Variants in ATP9A observed in about 807,000 individuals in gnomAD.
ATP9A encodes ATPase phospholipid transporting 9A, also known as probable phospholipid-transporting ATPase IIA.
Under a neutral mutation model 144.1 loss-of-function variants are expected in ATP9A, and 52 were observed. The ratio of observed to expected loss-of-function variants is 0.36; its 90% CI spans 0.29 to 0.45. The LOEUF (loss-of-function observed/expected upper bound fraction) is 0.45, where lower values mean the gene tolerates loss of function less well. ATP9A is among the 20% of genes least tolerant of loss of function. ATP9A has a pLI of 1.00. For synonymous variants in ATP9A, 582 were observed against 557.4 expected, an observed-to-expected ratio of 1.04 and a Z score of -0.62; for missense variants, 947 against 1,392.7, an observed-to-expected ratio of 0.68 and a Z score of 5.09.
At chr20:51,730,113 A>C in intron 1 of ATP9A, 135 bp from the exon 2 acceptor site, 1 of 986,188 alleles carries the variant, frequency 1.0e-6, no homozygotes, top group Non-Finnish European at 1.4e-6. Flanking sequence ...TTGAGGCTTC[A>C]TCTTTCAGTG....
At chr20:51,736,640 CCACCG>C (rs1183169355) in intron 1 of ATP9A, among the ~76,000 whole-genome samples, 1 of 151,996 alleles carries the variant, frequency 6.6e-6, no homozygotes, top group Non-Finnish European at 1.5e-5. Context: ...CAGGCGGGAG[CCACCG>C]CGCCTGGCCC....
intron 14 of ATP9A, among the ~76,000 whole-genome samples, chr20:51,640,818 A>AT (rs1481071959): frequency 1.3e-5 from 2 of 152,168 alleles, no homozygotes; most frequent in Non-Finnish European, 1.5e-5. Flanking sequence ...GCCACTATAC[A>AT]CACAGGTGGC....
At chr20:51,678,355 GAA>G (rs2077486008) in intron 9 of ATP9A, among the ~76,000 whole-genome samples, 1 of 152,164 alleles carries the variant, frequency 6.6e-6, no homozygotes, top group African/African-American at 2.4e-5. Flanking sequence ...ACAAAAATCC[GAA>G]GAGGCTGAAG....
chr20:51,613,437 G>A (rs996776934), intron 23 of ATP9A, among the ~76,000 whole-genome samples: 1 of 152,206 alleles, frequency 6.6e-6, no homozygotes, highest in Non-Finnish European at 1.5e-5. Flanking sequence ...CTTAACAGGG[G>A]AGGAATCTTG....
chr20:51,639,449 T>G lies in ATP9A; in HGVS notation c.1562A>C (p.Gln521Pro). The change falls in exon 15 of 28, where the codon CAG becomes CCG. Residue 521 changes from glutamine to proline, a missense_variant. Coordinates refer to ENST00000338821, the MANE Select transcript of ATP9A (RefSeq NM_006045.3). ...SVGLTLVGRD[Q>P]SSMQLRTPGD... ...AGGGGTCCTCAGCTGCATGGAAGAC[T>G]GGTCTCGGCCCACCAGGGTTAAGCC... 6.2e-7 allele frequency: 1 copy of G among 1,613,938 alleles called. No individual in the cohort carries two copies. The highest frequency in any genetic ancestry group is 8.5e-7 in the Non-Finnish European group (1 of 1,179,896).
At chr20:51,760,268 T>C in intron 1 of ATP9A, among the ~76,000 whole-genome samples, 1 of 144,810 alleles carries the variant, frequency 6.9e-6, no homozygotes, top group Non-Finnish European at 1.6e-5. Context: ...GTACATTAAA[T>C]ATGCGGTTTT....
chr20:51,766,350 C>CT (rs2077903616), intron 1 of ATP9A, among the ~76,000 whole-genome samples: 2 of 152,340 alleles, frequency 1.3e-5, no homozygotes, highest in South Asian at 2.1e-4. Flanking sequence ...GGCAGGTCTT[C>CT]TTTAATTCAT....
intron 2 of ATP9A, 32 bp downstream of exon 2, chr20:51,729,802 A>C (rs761359755): frequency 6.6e-7 from 1 of 1,522,090 alleles, no homozygotes; most frequent in South Asian, 1.3e-5. Flanking sequence ...TGATGGAAAA[A>C]AGAAAAGAGC....
At chr20:51,709,794 C>T (rs1376274727) in intron 4 of ATP9A, among the ~76,000 whole-genome samples, 3 of 152,186 alleles carry the variant, frequency 2.0e-5, no homozygotes, top group Non-Finnish European at 4.4e-5. Context: ...TATTGGAATT[C>T]TCCATATAAT....
At chr20:51,706,232 C>T (rs1344701491) in intron 4 of ATP9A, among the ~76,000 whole-genome samples, 1 of 152,220 alleles carries the variant, frequency 6.6e-6, no homozygotes, top group East Asian at 1.9e-4. Flanking sequence ...GTGCTGAGCT[C>T]ACCTCCTGGC....
intron 15 of ATP9A, among the ~76,000 whole-genome samples, chr20:51,635,550 C>A (rs2077287138): frequency 1.3e-5 from 2 of 151,902 alleles, no homozygotes; most frequent in South Asian, 4.2e-4. Flanking sequence ...TCAGCCTGGG[C>A]AATATGGTGA....
At chr20:51,613,426 G>A (rs1016612608) in intron 23 of ATP9A, among the ~76,000 whole-genome samples, 4 of 152,188 alleles carry the variant, frequency 2.6e-5, no homozygotes, top group African/African-American at 4.8e-5. Flanking sequence ...GACCAGCACC[G>A]CTTAACAGGG....
At chr20:51,655,273 C>T (rs892693526) in intron 14 of ATP9A, among the ~76,000 whole-genome samples, 1 of 152,068 alleles carries the variant, frequency 6.6e-6, no homozygotes, top group Non-Finnish European at 1.5e-5. Flanking sequence ...GGAAAATTCA[C>T]GTTTTAAAAA....
chr20:51,757,047 A>G (rs2077859627), intron 1 of ATP9A, among the ~76,000 whole-genome samples: 1 of 152,164 alleles, frequency 6.6e-6, no homozygotes, highest in Non-Finnish European at 1.5e-5. Context: ...GTCTGGAGAC[A>G]TTCTTGATTG....
chr20:51,615,197 A>G (rs1385289943), intron 22 of ATP9A, among the ~76,000 whole-genome samples: 1 of 152,302 alleles, frequency 6.6e-6, no homozygotes, highest in African/African-American at 2.4e-5. Context: ...GTAACATTAC[A>G]TACAATTTAC....
At chr20:51,620,770 C>T (rs766152400) in intron 19 of ATP9A, among the ~76,000 whole-genome samples, 2 of 152,084 alleles carry the variant, frequency 1.3e-5, no homozygotes, top group Non-Finnish European at 2.9e-5. Flanking sequence ...GACACTGGTT[C>T]GTCACACGGG....
intron 9 of ATP9A, among the ~76,000 whole-genome samples, chr20:51,682,577 C>CTTTTTTTTGTTT (rs2077504557): frequency 2.9e-5 from 1 of 35,076 alleles, no homozygotes; most frequent in Non-Finnish European, 5.3e-5. Context: ...TTCACTGTAT[C>CTTTTTTTTGTTT]TTTTTTTTTT....
In ATP9A at chr20:51,755,241, G is replaced by A. The variant is rs141900962; in HGVS notation, c.68+13061C>T. Among the ~76,000 whole-genome samples the A allele has an allele frequency of 7.6e-4, 115 of 151,942 alleles. 1 individual carries two copies. In the East Asian group the frequency reaches 0.019, roughly 25 times the overall value. On this transcript the variant is annotated intron_variant, in intron 1 of 27. Transcript: ENST00000338821. Reference sequence around the variant, plus strand: ...TCACAAGGTCAGGAGTTCGAGACCAGCCTGACCAACATGGTAAAACCCCGT... The same window carrying A: ...TCACAAGGTCAGGAGTTCGAGACCAACCTGACCAACATGGTAAAACCCCGT...
intron 1 of ATP9A, among the ~76,000 whole-genome samples, chr20:51,736,227 A>T (rs2077762105): frequency 6.6e-6 from 1 of 152,214 alleles, no homozygotes; most frequent in Non-Finnish European, 1.5e-5. Flanking sequence ...CACGGGGAGA[A>T]GATAAAGGAC....
Sources: gnomAD v4.1 joint callset for allele counts (sites outside exome capture counted in the v4.1 genomes callset) on GRCh38, gnomAD v4.1.1 for gene constraint, MANE v1.5 for transcripts, NCBI Gene and HGNC (gene_info 2026-07-23, HGNC 2026-07-21) for gene names.